The following ASAP3 variants were observed in gnomAD, a reference collection of about 807,000 sequenced individuals.
ASAP3 encodes the protein ArfGAP with SH3 domain, ankyrin repeat and PH domain 3, also known as arf-GAP with SH3 domain, ANK repeat and PH domain-containing protein 3.
ASAP3 carries 85 observed loss-of-function variants against 118.2 expected under a neutral mutation model. That is an observed-to-expected ratio of 0.72 (90% CI 0.60 to 0.86). The LOEUF is 0.86. Ranked by LOEUF, ASAP3 falls within the 40% of genes least tolerant of loss-of-function variation. The probability of loss-of-function intolerance (pLI) is 0.00; values close to 1 mark genes in which losing one functional copy is unlikely to be tolerated. For synonymous variants in ASAP3, 432 were observed against 477.4 expected, an observed-to-expected ratio of 0.90 and a Z score of 1.24; for missense variants, 1,026 against 1,175.0, an observed-to-expected ratio of 0.87 and a Z score of 1.85.
chr1:23,480,122 A>G (rs1330406823), intron 1 of ASAP3: 1 of 152,214 alleles, frequency 6.6e-6, no homozygotes, highest in Non-Finnish European at 1.5e-5. Context: ...TGATTGTGCC[A>G]CTGTACTCTA....
intron 4 of ASAP3, among the ~76,000 whole-genome samples, chr1:23,452,296 C>T (rs1461953771): frequency 6.6e-6 from 1 of 152,230 alleles, no homozygotes; most frequent in Non-Finnish European, 1.5e-5. Flanking sequence ...CAGCCAAGGG[C>T]TGCCAGGCAC....
chr1:23,444,630 C>G (rs558633286), intron 5 of ASAP3, among the ~76,000 whole-genome samples: 2 of 152,300 alleles, frequency 1.3e-5, no homozygotes, highest in Admixed American at 1.3e-4. Flanking sequence ...ACTGTAGGCC[C>G]CTCAAGGCCT....
In ASAP3 at chr1:23,436,003, C is replaced by A. The variant is rs749337388; in HGVS notation, c.1597G>T (p.Ala533Ser). 1 of 1,614,236 alleles carries A rather than the reference C, an allele frequency of 6.2e-7. No individual in the cohort carries two copies. Among genetic ancestry groups the A allele is most frequent in the Non-Finnish European group, 8.5e-7 (1 of 1,180,052 alleles). The change falls in exon 17 of 25, where the codon GCC (alanine) becomes TCC (serine). Residue 533 changes from alanine to serine, a missense_variant. Physicochemically the swap from Ala to Ser is moderately conservative, Grantham distance 99. Coordinates refer to ENST00000336689, the MANE Select transcript of ASAP3 (RefSeq NM_017707.4). The surrounding 1 kb of genome is among the most constrained non-coding windows in gnomAD (Gnocchi z 4.2). ...GCAAACCTATGCTCCACATACTTGG[C>A]CATAATGTAGTCCCTGCGGGTGCCC... ...DMGTRRDYIM[A>S]KYVEHRFARR... is the part of the protein sequence containing the mutation.
intron 1 of ASAP3, among the ~76,000 whole-genome samples, chr1:23,478,872 C>T (rs1199360211): frequency 6.6e-6 from 1 of 152,098 alleles, no homozygotes; most frequent in African/African-American, 2.4e-5. Flanking sequence ...AGGTACAGAA[C>T]AGGATGGACA....
chr1:23,453,522 A>T (rs1481538975), intron 3 of ASAP3, among the ~76,000 whole-genome samples: 1 of 152,130 alleles, frequency 6.6e-6, no homozygotes, highest in African/African-American at 2.4e-5. Flanking sequence ...AAACTACCTT[A>T]AGAGGAAAGG....
intron 5 of ASAP3, among the ~76,000 whole-genome samples, chr1:23,448,843 A>T (rs1258471139): frequency 1.3e-5 from 2 of 152,170 alleles, no homozygotes; most frequent in African/African-American, 2.4e-5. Flanking sequence ...ATTTTATAGA[A>T]GAGGAGCCTA....
intron 1 of ASAP3, among the ~76,000 whole-genome samples, chr1:23,469,914 C>G (rs1641905338): frequency 6.6e-6 from 1 of 152,170 alleles, no homozygotes; most frequent in Non-Finnish European, 1.5e-5. Context: ...TCTCTCTGAG[C>G]CCCAGTTATC....
intron 1 of ASAP3, among the ~76,000 whole-genome samples, chr1:23,464,731 G>A (rs559874882): frequency 7.0e-6 from 1 of 142,682 alleles, no homozygotes; most frequent in Non-Finnish European, 1.5e-5. Context: ...TTTAATCCCT[G>A]ATAGTCAGAG....
At chr1:23,445,141 G>A (rs544384846) in intron 5 of ASAP3, among the ~76,000 whole-genome samples, 1 of 152,208 alleles carries the variant, frequency 6.6e-6, no homozygotes, top group African/African-American at 2.4e-5. Flanking sequence ...AGCAGAGAGG[G>A]GAGGTGATGG....
chr1:23,430,783 G>A (rs897712574), intron 24 of ASAP3, among the ~76,000 whole-genome samples: 2 of 152,194 alleles, frequency 1.3e-5, no homozygotes, highest in Non-Finnish European at 2.9e-5. Flanking sequence ...GACAGGGACT[G>A]GCCAAACTGC....
At chr1:23,474,482 C>T (rs1342657362) in intron 1 of ASAP3, among the ~76,000 whole-genome samples, 3 of 152,166 alleles carry the variant, frequency 2.0e-5, no homozygotes, top group Non-Finnish European at 4.4e-5. Flanking sequence ...ATTCCTCTTC[C>T]TATCCCAATC....
At chr1:23,435,542 T>C (rs1198435) in intron 17 of ASAP3, among the ~76,000 whole-genome samples, 9,714 of 152,290 alleles carry the variant, frequency 0.064, 1,002 homozygotes, top group African/African-American at 0.21. Flanking sequence ...CATTGTACAC[T>C]AAGCCCTTTA....
chr1:23,440,986 G>T, intron 10 of ASAP3, 116 bp downstream of exon 10: 1 of 936,752 alleles, frequency 1.1e-6, no homozygotes, highest in Non-Finnish European at 1.6e-6. Context: ...ATTTTACATT[G>T]CAACCCTCGG....
Position 23,438,911 on chromosome 1 carries a change from T to C in ASAP3, c.1015-77A>G. The C allele has an allele frequency of 7.0e-7, 1 of 1,425,108 alleles. No homozygotes were observed. Among genetic ancestry groups the C allele is most frequent in the Non-Finnish European group, 9.9e-7 (1 of 1,012,796 alleles). 88.3% of individuals were successfully genotyped at this position (1,425,108 alleles called of 1,614,324 possible). A position where few individuals can be genotyped will look rare whatever the true frequency, so the allele number is the denominator to read the frequency against. ...TTCTTTAGGCCTCCATTTCCCACTCTGTTAAATGGGCATAATCATCCTGTT... is the reference window on the plus strand; with the variant it reads ...TTCTTTAGGCCTCCATTTCCCACTCCGTTAAATGGGCATAATCATCCTGTT... On this transcript the variant is annotated intron_variant, in intron 11 of 24. Coordinates refer to ENST00000336689, the MANE Select transcript of ASAP3 (RefSeq NM_017707.4). The surrounding 1 kb of genome is among the most constrained non-coding windows in gnomAD (Gnocchi z 4.9).
intron 22 of ASAP3, among the ~76,000 whole-genome samples, chr1:23,432,543 C>G (rs1640476604): frequency 6.6e-6 from 1 of 152,230 alleles, no homozygotes; most frequent in Non-Finnish European, 1.5e-5. Context: ...GGACATGCTC[C>G]CTCTCCAACT....
At chr1:23,454,867 G>A (rs1223209256) in intron 3 of ASAP3, among the ~76,000 whole-genome samples, 1 of 152,194 alleles carries the variant, frequency 6.6e-6, no homozygotes, top group African/African-American at 2.4e-5. Flanking sequence ...CCTGGGGCTT[G>A]GGCAGACTGA....
chr1:23,433,837 T>A, intron 19 of ASAP3, 144 bp from the exon 20 acceptor site: 1 of 1,023,386 alleles, frequency 9.8e-7, no homozygotes, highest in Non-Finnish European at 1.4e-6. Flanking sequence ...AGGCAAGTTA[T>A]ATAACCTTTT....
At chr1:23,464,211 C>T (rs1641687660) in intron 1 of ASAP3, among the ~76,000 whole-genome samples, 1 of 150,652 alleles carries the variant, frequency 6.6e-6, no homozygotes, top group South Asian at 2.1e-4. Flanking sequence ...TTTTGAGACA[C>T]AGTCTCTCTC....
intron 10 of ASAP3, among the ~76,000 whole-genome samples, chr1:23,439,816 T>A (rs1345611221): frequency 6.6e-6 from 1 of 152,136 alleles, no homozygotes. Context: ...TTTTGTTTTT[T>A]TGTTTTGTTT....
Sources: allele counts gnomAD v4.1 joint callset (sites outside exome capture counted in the v4.1 genomes callset), GRCh38; gene constraint gnomAD v4.1.1; non-coding constraint Gnocchi (gnomAD v3.1); transcripts MANE v1.5; gene names NCBI Gene and HGNC (gene_info 2026-07-23, HGNC 2026-07-21).